LCOR: variants seen among roughly 807,000 people sequenced by gnomAD.
LCOR encodes the protein ligand-dependent corepressor.
LCOR carries 14 observed loss-of-function variants against 64.4 expected under a neutral mutation model. The observed-to-expected ratio is 0.22, with a 90% CI of 0.14 to 0.34. The LOEUF is 0.34. LCOR is among the 10% of genes least tolerant of loss of function. The probability of loss-of-function intolerance (pLI) is 1.00; values close to 1 mark genes in which losing one functional copy is unlikely to be tolerated. For missense variants in LCOR, 1,686 were observed against 1,765.3 expected, an observed-to-expected ratio of 0.96 and a Z score of 0.80; for synonymous variants, 643 against 642.5, an observed-to-expected ratio of 1.00 and a Z score of -0.01.
At chr10:96,972,945 ACAAATAC>A (rs1848010628) in intron 7 of LCOR, among the ~76,000 whole-genome samples, 1 of 152,186 alleles carries the variant, frequency 6.6e-6, no homozygotes, top group Admixed American at 6.5e-5. Flanking sequence ...ACACACTTGA[ACAAATAC>A]CATGTTGCCA....
chr10:96,914,650 C>T (rs1327249066), intron 4 of LCOR, among the ~76,000 whole-genome samples: 1 of 152,196 alleles, frequency 6.6e-6, no homozygotes, highest in Non-Finnish European at 1.5e-5. Context: ...TTTCAAACTC[C>T]CTTCTTCAGT....
chr10:96,974,685 G>A (rs1280558039), intron 7 of LCOR, among the ~76,000 whole-genome samples: 1 of 151,962 alleles, frequency 6.6e-6, no homozygotes, highest in Non-Finnish European at 1.5e-5. Context: ...CTATATTTAG[G>A]GTTTGTTACA....
chr10:96,844,961 C>T (rs1845601954), intron 2 of LCOR, among the ~76,000 whole-genome samples: 1 of 152,156 alleles, frequency 6.6e-6, no homozygotes, highest in Non-Finnish European at 1.5e-5. Flanking sequence ...GGATTCAGGA[C>T]TCCTGAATCT....
intron 4 of LCOR, among the ~76,000 whole-genome samples, chr10:96,927,595 T>C (rs1250060389): frequency 6.6e-6 from 1 of 152,164 alleles, no homozygotes; most frequent in East Asian, 1.9e-4. Flanking sequence ...TAGTAGTAAC[T>C]GTTATATTTT....
At chr10:96,897,079 G>T (rs1436567817) in intron 2 of LCOR, among the ~76,000 whole-genome samples, 1 of 94,682 alleles carries the variant, frequency 1.1e-5, no homozygotes, top group Non-Finnish European at 2.1e-5. Context: ...GAGAGAAAGA[G>T]AAAGAGAAAG....
chr10:96,855,119 C>T (rs1200738949), intron 2 of LCOR, among the ~76,000 whole-genome samples: 1 of 152,106 alleles, frequency 6.6e-6, no homozygotes, highest in Non-Finnish European at 1.5e-5. Flanking sequence ...GTTCAGGGAT[C>T]CTTCTGAGAT....
rs375395450 is a variant in LCOR at position 96,894,187 on chromosome 10, G to A, written c.-329-13078G>A. ...GCTCACTGCAACCTCCGCCTCCTGG[G>A]TCCACACCATTCTCCTGTGTCAGCC... On this transcript the variant is annotated intron_variant, in intron 2 of 7. Coordinates refer to ENST00000421806, the MANE Select transcript of LCOR (RefSeq NM_001346516.2). Among the ~76,000 whole-genome samples the A allele has an allele frequency of 3.8e-4, 58 of 152,270 alleles. 1 individual carries two copies. In the South Asian group the frequency reaches 0.01, roughly 27 times the overall value.
At chr10:96,832,949 G>A (rs913983592) in intron 1 of LCOR, 1 of 977,970 alleles carries the variant, frequency 1.0e-6, no homozygotes, top group Non-Finnish European at 1.2e-6. Flanking sequence ...CCCGGCGCTC[G>A]GGCGTGTGCG....
chr10:96,992,530 G>A lies in LCOR; in HGVS notation c.*7396G>A, dbSNP rs533283902. 5 of 152,426 alleles carry A rather than the reference G, an allele frequency of 3.3e-5. No homozygotes were observed. In the South Asian group the frequency reaches 1.0e-3, roughly 32 times the overall value. The allele number at this position is 152,426 out of a possible 1,614,324, so 9.4% of individuals were successfully genotyped here. On this transcript the variant is annotated 3_prime_UTR_variant, in exon 8 of 8. Coordinates refer to ENST00000421806, the MANE Select transcript of LCOR (RefSeq NM_001346516.2). ...CACTGTCACCCCATCCCACAACAAA[G>A]TGGGAATCCCATCATGGGTATGGCT...
chr10:96,926,947 T>C (rs1053127195), intron 4 of LCOR, among the ~76,000 whole-genome samples: 1 of 152,186 alleles, frequency 6.6e-6, no homozygotes, highest in Non-Finnish European at 1.5e-5. Context: ...TTATGGACTT[T>C]TGAGTTGTTT....
At chr10:96,947,131 G>A (rs1847602730) in intron 5 of LCOR, among the ~76,000 whole-genome samples, 1 of 151,970 alleles carries the variant, frequency 6.6e-6, no homozygotes, top group South Asian at 2.1e-4. Flanking sequence ...AAACAACTGA[G>A]GAACCATTTT....
intron 2 of LCOR, among the ~76,000 whole-genome samples, chr10:96,891,453 T>G (rs1846438116): frequency 6.7e-6 from 1 of 148,422 alleles, no homozygotes; most frequent in African/African-American, 2.5e-5. Context: ...CGAGAAATTT[T>G]GGGTTCATTG....
intron 2 of LCOR, among the ~76,000 whole-genome samples, chr10:96,902,926 A>G (rs1234653323): frequency 1.3e-5 from 2 of 152,194 alleles, no homozygotes; most frequent in Non-Finnish European, 2.9e-5. Context: ...ACAAACCTAG[A>G]TAATATAGCC....
intron 7 of LCOR, among the ~76,000 whole-genome samples, chr10:96,966,470 C>A (rs553998505): frequency 2.0e-5 from 3 of 152,120 alleles, no homozygotes; most frequent in African/African-American, 7.2e-5. Context: ...CCTCGTGATC[C>A]GCCCGTCTCG....
intron 2 of LCOR, among the ~76,000 whole-genome samples, chr10:96,906,795 G>C (rs534142475): frequency 6.6e-6 from 1 of 152,254 alleles, no homozygotes; most frequent in South Asian, 2.1e-4. Flanking sequence ...CCTTGTGTTT[G>C]TGTGATGTAG....
chr10:96,954,914 G>A (rs762038844), intron 7 of LCOR: 20 of 1,580,262 alleles, frequency 1.3e-5, no homozygotes, highest in Non-Finnish European at 8.6e-7. Context: ...CCCTACCTGT[G>A]CAAGTCCTGC....
intron 2 of LCOR, among the ~76,000 whole-genome samples, chr10:96,840,577 G>C (rs565875008): frequency 6.6e-6 from 1 of 152,194 alleles, no homozygotes; most frequent in East Asian, 1.9e-4. Flanking sequence ...ATATGCTTCA[G>C]ACATGTCTAT....
intron 2 of LCOR, among the ~76,000 whole-genome samples, chr10:96,879,468 A>G (rs1846224343): frequency 6.6e-6 from 1 of 152,212 alleles, no homozygotes; most frequent in South Asian, 2.1e-4. Context: ...TTTGTGGCTA[A>G]TGAGTACTTC....
chr10:96,948,186 A>T, intron 5 of LCOR, among the ~76,000 whole-genome samples: 1 of 152,310 alleles, frequency 6.6e-6, no homozygotes, highest in East Asian at 1.9e-4. Context: ...CTTAACATTG[A>T]CTAGAAATTG....
Sources: allele counts gnomAD v4.1 joint callset (sites outside exome capture counted in the v4.1 genomes callset), GRCh38; gene constraint gnomAD v4.1.1; transcripts MANE v1.5; gene names NCBI Gene and HGNC (gene_info 2026-07-23, HGNC 2026-07-21).